Variants in EXTL3 observed in about 807,000 individuals in gnomAD.
EXTL3 encodes the protein exostosin like glycosyltransferase 3, also known as exostosin-like 3.
In EXTL3, 27 loss-of-function variants were observed where a neutral mutation model predicts 69.3. That is an observed-to-expected ratio of 0.39 (90% CI 0.29 to 0.54). EXTL3 has a LOEUF of 0.54. Among genes scored for constraint, EXTL3 ranks in the 20% least tolerant of loss-of-function variants. The pLI is 0.69. For synonymous variants in EXTL3, 511 were observed against 499.4 expected, an observed-to-expected ratio of 1.02 and a Z score of -0.31; for missense variants, 1,003 against 1,231.8, an observed-to-expected ratio of 0.81 and a Z score of 2.78.
In EXTL3 at chr8:28,750,774, A is replaced by C; in HGVS notation, c.2668A>C (p.Met890Leu). The C allele has an allele frequency of 1.2e-6, 2 of 1,614,192 alleles. No individual in the cohort carries two copies. The highest frequency in any genetic ancestry group is 1.7e-6 in the Non-Finnish European group (2 of 1,180,020). ...INFFVKVYGYMPLLYTQFRVD... is the reference protein window; with the variant it reads ...INFFVKVYGYLPLLYTQFRVD... ...CTTCTTCGTGAAGGTGTACGGCTAC[A>C]TGCCCCTCCTGTACACGCAGTTCAG... The change falls in exon 7 of 7, where the codon ATG (methionine) becomes CTG (leucine). Residue 890 changes from methionine to leucine, a missense_variant. Physicochemically the swap from Met to Leu is conservative, Grantham distance 15 (BLOSUM62 2). Coordinates refer to ENST00000220562, the MANE Select transcript of EXTL3 (RefSeq NM_001440.4). The surrounding 1 kb of genome is among the most constrained non-coding windows in gnomAD (Gnocchi z 5.2).
rs554221647 is a variant in EXTL3 at position 28,612,629 on chromosome 8, G to A, written n.314+4871G>A. Among the ~76,000 whole-genome samples, 5 of 152,226 alleles carry A rather than the reference G, an allele frequency of 3.3e-5. No individual in the cohort carries two copies. In the East Asian group the frequency reaches 9.6e-4, roughly 29 times the overall value. On this transcript the variant is annotated intron_variant and non_coding_transcript_variant, in intron 2 of 4. Coordinates refer to the EXTL3 transcript ENST00000522725. ...CCAGGGTGAATTCTTATCATGAACAGGTGCTGAATTTTATTAAATGCTTTT... is the reference window on the plus strand; with the variant it reads ...CCAGGGTGAATTCTTATCATGAACAAGTGCTGAATTTTATTAAATGCTTTT...
chr8:28,679,868 G>A (rs1454619132), intron 1 of EXTL3, among the ~76,000 whole-genome samples: 1 of 151,970 alleles, frequency 6.6e-6, no homozygotes, highest in Non-Finnish European at 1.5e-5. Context: ...AATTCCAAAA[G>A]GCAATTTAAG....
In EXTL3 at chr8:28,717,828, T is replaced by G. The variant is rs201439713; in HGVS notation, c.1769T>G (p.Leu590Arg). The G allele has an allele frequency of 5.6e-6, 9 of 1,611,780 alleles. No homozygotes were observed. The East Asian group carries it at 2.0e-4, about 36-fold the overall frequency. ...CCGCCCTACGCCTCACCCAGATACC[T>G]CCGCAATTTCACTCTGACTGTCACT... The part of the protein sequence containing the change: ...TEPPYASPRY[L>R]RNFTLTVTDF... The change falls in exon 3 of 7, where the codon CTC becomes CGC. Residue 590 changes from leucine to arginine, a missense_variant. Transcript: ENST00000220562. This position sits in a 1 kb window ranked among gnomAD's most constrained non-coding sequence, Gnocchi z 8.3.
intron 3 of EXTL3, among the ~76,000 whole-genome samples, chr8:28,727,990 T>G (rs1165137838): frequency 6.6e-6 from 1 of 152,216 alleles, no homozygotes; most frequent in Non-Finnish European, 1.5e-5. Context: ...CAAGCCAATA[T>G]TCAAGAACTG....
At chr8:28,655,898 C>A (rs1807002663) in intron 1 of EXTL3, among the ~76,000 whole-genome samples, 1 of 152,062 alleles carries the variant, frequency 6.6e-6, no homozygotes, top group South Asian at 2.1e-4. Flanking sequence ...GCGGCCTGAA[C>A]AAGGACAGTA....
Position 28,750,349 on chromosome 8 carries a change from C to G in EXTL3, c.2551-308C>G, listed in dbSNP as rs1431905875. On this transcript the variant is annotated intron_variant, in intron 6 of 6. Transcript: ENST00000220562. This position sits in a 1 kb window ranked among gnomAD's most constrained non-coding sequence, Gnocchi z 5.2. ...ATGAAACAAACAACTCGGTACCTACCTATGGCTCTGCAACCAAGTACATAC... is the reference window on the plus strand; with the variant it reads ...ATGAAACAAACAACTCGGTACCTACGTATGGCTCTGCAACCAAGTACATAC... Among the ~76,000 whole-genome samples the G allele has an allele frequency of 6.6e-6, 1 of 152,130 alleles. No homozygotes were observed. The highest frequency in any genetic ancestry group is 2.4e-5 in the African/African-American group (1 of 41,426).
intron 1 of EXTL3, among the ~76,000 whole-genome samples, chr8:28,624,751 T>C (rs1487858950): frequency 6.6e-6 from 1 of 152,164 alleles, no homozygotes. Context: ...GAAGGCACCA[T>C]CTGAAGCTTA....
In EXTL3 at chr8:28,716,215, C is replaced by G. The variant is rs1291934011; in HGVS notation, c.156C>G (p.Thr52=). The G allele has an allele frequency of 6.2e-6, 10 of 1,614,102 alleles. No individual in the cohort carries two copies. Among genetic ancestry groups the G allele is most frequent in the Non-Finnish European group, 7.6e-6 (9 of 1,180,036 alleles). The change falls in exon 3 of 7, where the codon ACC becomes ACG. Residue 52 remains threonine (T), a synonymous_variant. Transcript: ENST00000220562. This position sits in a 1 kb window ranked among gnomAD's most constrained non-coding sequence, Gnocchi z 7.1. ...CGCTCATCGCCCACTATTACCTCAC[C>G]ACTCTGGATGAGGCTGATGAGGCAG... is the stretch of plus-strand genomic sequence containing the variant. ...FFPLIAHYYL[T]TLDEADEAGK...
At chr8:28,651,918 CA>C (rs1207793408) in intron 1 of EXTL3, among the ~76,000 whole-genome samples, 1 of 152,176 alleles carries the variant, frequency 6.6e-6, no homozygotes, top group Non-Finnish European at 1.5e-5. Flanking sequence ...TGGAATCATA[CA>C]GTATGGTCCT....
At chr8:28,669,925 G>A (rs1301071762) in intron 1 of EXTL3, among the ~76,000 whole-genome samples, 2 of 151,962 alleles carry the variant, frequency 1.3e-5, no homozygotes, top group East Asian at 1.9e-4. Context: ...AAGGGACTTT[G>A]AGGCCGGGTG....
chr8:28,731,437 G>A, intron 4 of EXTL3, 87 bp downstream of exon 4: 1 of 1,434,138 alleles, frequency 7.0e-7, no homozygotes, highest in Middle Eastern at 1.7e-4. Context: ...TTGGCTGATG[G>A]TAACTGAGAA....
chr8:28,672,005 G>T (rs189943734), intron 1 of EXTL3, among the ~76,000 whole-genome samples: 1 of 152,106 alleles, frequency 6.6e-6, no homozygotes, highest in African/African-American at 2.4e-5. Context: ...ATGTTCCTCC[G>T]CTTTCCCAAC....
chr8:28,745,858 C>T (rs555317656), intron 6 of EXTL3, among the ~76,000 whole-genome samples: 2 of 152,254 alleles, frequency 1.3e-5, no homozygotes, highest in African/African-American at 4.8e-5. Context: ...TGATTCTTAC[C>T]AAGTGAAAAC....
rs1801128017 is a variant in EXTL3 at position 28,715,667 on chromosome 8, T to G, written c.-393T>G. 3.9e-6 allele frequency: 1 copy of G among 253,286 alleles called. No homozygotes were observed. Among genetic ancestry groups the G allele is most frequent in the Admixed American group, 5.0e-5 (1 of 19,900 alleles). The allele number at this position is 253,286 out of a possible 1,614,324, so 15.7% of individuals were successfully genotyped here. A position where few individuals can be genotyped will look rare whatever the true frequency, so the allele number is the denominator to read the frequency against. ...TTACTGTATAACTGTGAATAGACAC[T>G]ATGCATATTTGTTGGTCAGCAAAAC... On this transcript the variant is annotated 5_prime_UTR_variant, in exon 3 of 7. Coordinates refer to ENST00000220562, the MANE Select transcript of EXTL3 (RefSeq NM_001440.4).
chr8:28,731,170 T>A lies in EXTL3; in HGVS notation c.2149-53T>A, dbSNP rs1801530005. 3 of 1,612,924 alleles carry A rather than the reference T, an allele frequency of 1.9e-6. No homozygotes were observed. The African/African-American group carries it at 4.0e-5, about 22-fold the overall frequency. ...CTTGGACCTAAATACAGATTTTGTT[T>A]GGCCTTTCATAACACAGCCTTAATT... On this transcript the variant is annotated intron_variant, in intron 3 of 6. Transcript: ENST00000220562.
chr8:28,635,094 G>A (rs1806631856), intron 1 of EXTL3, among the ~76,000 whole-genome samples: 2 of 152,054 alleles, frequency 1.3e-5, no homozygotes, highest in Non-Finnish European at 2.9e-5. Context: ...CGGGAGGAAT[G>A]AACTTTCTAG....
chr8:28,727,496 T>G (rs540911534), intron 3 of EXTL3, among the ~76,000 whole-genome samples: 1 of 152,344 alleles, frequency 6.6e-6, no homozygotes, highest in East Asian at 1.9e-4. Context: ...GTTTGTAAAT[T>G]AGATAATTTT....
intron 1 of EXTL3, among the ~76,000 whole-genome samples, chr8:28,637,067 C>T (rs1806668318): frequency 6.6e-6 from 1 of 152,086 alleles, no homozygotes; most frequent in South Asian, 2.1e-4. Context: ...AGTGTTATAT[C>T]AGCCAACCTA....
chr8:28,655,466 A>G (rs1252785812), intron 1 of EXTL3, among the ~76,000 whole-genome samples: 1 of 150,662 alleles, frequency 6.6e-6, no homozygotes, highest in South Asian at 2.1e-4. Context: ...CTTCTTTAAT[A>G]TACCTTGAGA....
Sources: gnomAD v4.1 joint callset for allele counts (sites outside exome capture counted in the v4.1 genomes callset) on GRCh38, gnomAD v4.1.1 for gene constraint, Gnocchi (gnomAD v3.1) non-coding constraint, MANE v1.5 for transcripts, NCBI Gene and HGNC (gene_info 2026-07-23, HGNC 2026-07-21) for gene names.